PDPN: variants seen among roughly 807,000 people sequenced by gnomAD.
The protein encoded by PDPN is PA2.26 antigen.
A neutral mutation model predicts 23.2 loss-of-function variants in PDPN; 12 were observed. The observed-to-expected ratio is 0.52, with a 90% CI of 0.33 to 0.84. PDPN has a LOEUF of 0.84. Ranked by LOEUF, PDPN falls within the 40% of genes least tolerant of loss-of-function variation. The pLI, the probability that PDPN is intolerant of heterozygous loss-of-function variation, is 0.02. For missense variants in PDPN, 199 were observed against 212.2 expected, an observed-to-expected ratio of 0.94 and a Z score of 0.39; for synonymous variants, 77 against 76.7, an observed-to-expected ratio of 1.00 and a Z score of -0.02.
intron 1 of PDPN, among the ~76,000 whole-genome samples, chr1:13,591,157 G>C (rs61777780): frequency 0.24 from 36,532 of 151,788 alleles, 4,774 homozygotes; most frequent in Middle Eastern, 0.34. Flanking sequence ...GGTCAGGATG[G>C]TCTCGAACTC....
At chr1:13,589,475 A>G (rs1290489135) in intron 1 of PDPN, among the ~76,000 whole-genome samples, 1 of 152,334 alleles carries the variant, frequency 6.6e-6, no homozygotes, top group Admixed American at 6.5e-5. Flanking sequence ...TAACAATATA[A>G]TAACAGCTAG....
At chr1:13,596,198 CAAA>C (rs74323863) in intron 1 of PDPN, among the ~76,000 whole-genome samples, 5 of 68,038 alleles carry the variant, frequency 7.3e-5, no homozygotes, top group African/African-American at 5.2e-5. Flanking sequence ...GACTCCGTCT[CAAA>C]AAAAAAAAAA....
In PDPN at chr1:13,616,171, T is replaced by C. The variant is rs528720396; in HGVS notation, c.*260T>C. On this transcript the variant is annotated 3_prime_UTR_variant, in exon 6 of 6. Transcript: ENST00000621990. ...AAGATTATTTGAAAGACAAAATTCA[T>C]AGAAAATGGAGCAAAACTGTATAAA... The C allele has an allele frequency of 3.7e-6, 2 of 544,586 alleles. No individual in the cohort carries two copies. Among genetic ancestry groups the C allele is most frequent in the Admixed American group, 3.4e-5 (1 of 28,986 alleles). The allele number at this position is 544,586 out of a possible 1,614,324, so 33.7% of individuals were successfully genotyped here.
intron 1 of PDPN, among the ~76,000 whole-genome samples, chr1:13,588,980 A>AGCGCTACTATGCAATAAATTGAATAGC (rs1553143570): frequency 7.9e-6 from 1 of 126,794 alleles, no homozygotes; most frequent in Non-Finnish European, 1.8e-5. Context: ...TTCATTGAAT[A>AGCGCTACTATGCAATAAATTGAATAGC]GCTACTATTC....
At chr1:13,595,905 A>G (rs61777782) in intron 1 of PDPN, 125,801 of 1,285,134 alleles carry the variant, frequency 0.098, 6,798 homozygotes, top group Middle Eastern at 0.12. Flanking sequence ...ATAATTTTAA[A>G]GAAGTGTTCC....
rs1640805645 is a variant in PDPN, at chr1:13,607,031, C to T, written c.68-142C>T. 8 of 778,020 alleles carry T rather than the reference C, an allele frequency of 1.0e-5. No individual in the cohort carries two copies. In the South Asian group the frequency reaches 1.5e-4, roughly 14 times the overall value. The allele number at this position is 778,020 out of a possible 1,614,324, so 48.2% of individuals were successfully genotyped here. ...AGGAGAATGGTTTGGTTTCTGGCACCACAGTAAGCCACAAAAAGGACCAAA... is the reference window on the plus strand; with the variant it reads ...AGGAGAATGGTTTGGTTTCTGGCACTACAGTAAGCCACAAAAAGGACCAAA... On this transcript the variant is annotated intron_variant, in intron 1 of 5. Transcript: ENST00000621990.
At chr1:13,614,987 A>T in intron 5 of PDPN, 1 of 339,796 alleles carries the variant, frequency 2.9e-6, no homozygotes, top group Admixed American at 4.5e-5. Context: ...CTTGGAAGAA[A>T]ACCCAAACCA....
chr1:13,606,428 G>A (rs1282475016), intron 1 of PDPN, among the ~76,000 whole-genome samples: 3 of 152,176 alleles, frequency 2.0e-5, no homozygotes, highest in Non-Finnish European at 4.4e-5. Context: ...TGTAATCTAC[G>A]AGGTCTGTGG....
chr1:13,602,490 C>T (rs188117194), intron 1 of PDPN, among the ~76,000 whole-genome samples: 2,284 of 152,230 alleles, frequency 0.015, 29 homozygotes, highest in Non-Finnish European at 0.025. Flanking sequence ...GTAAATAAAA[C>T]CAGAAGACTG....
chr1:13,600,406 C>T (rs374716574), intron 1 of PDPN, among the ~76,000 whole-genome samples: 2 of 150,150 alleles, frequency 1.3e-5, no homozygotes, highest in African/African-American at 4.9e-5. Context: ...TCACTCTTGT[C>T]ACCCAGGCTG....
Position 13,610,533 on chromosome 1 carries a change from C to T in PDPN, c.331+17C>T, listed in dbSNP as rs773018317. On this transcript the variant is annotated intron_variant, in intron 3 of 5. Coordinates refer to ENST00000621990, the MANE Select transcript of PDPN (RefSeq NM_006474.5). ...ACTCCACGGGTAAGAAAACCAGCCA[C>T]CTCCATGGGGGCTGATCTACTTTTG... 10 of 1,611,034 alleles carry T rather than the reference C, an allele frequency of 6.2e-6. No homozygotes were observed. The highest frequency in any genetic ancestry group is 8.5e-6 in the Non-Finnish European group (10 of 1,178,790).
At chr1:13,614,569 A>G (rs1641019636) in intron 5 of PDPN, 158 bp downstream of exon 5, 1 of 596,330 alleles carries the variant, frequency 1.7e-6, no homozygotes, top group Admixed American at 3.0e-5. Flanking sequence ...CCTGGGCAAC[A>G]TAGTAAGACC....
At chr1:13,613,189 T>C (rs1434866458) in intron 3 of PDPN, among the ~76,000 whole-genome samples, 1 of 152,196 alleles carries the variant, frequency 6.6e-6, no homozygotes, top group Non-Finnish European at 1.5e-5. Flanking sequence ...TGGATTTTGC[T>C]ACCAAAGAAG....
chr1:13,583,910 C>A lies in PDPN; in HGVS notation c.-124C>A, dbSNP rs201766470. 2.2e-5 allele frequency: 35 copies of A among 1,611,964 alleles called. No individual in the cohort carries two copies. The African/African-American group carries it at 4.3e-4, about 20-fold the overall frequency. ...CCCTCTCCGGGGCTCCTGCTCCCAC[C>A]CCTCCGGCCCCCCCACCGTCGCGCT... On this transcript the variant is annotated 5_prime_UTR_variant, in exon 1 of 6. Coordinates refer to ENST00000621990, the MANE Select transcript of PDPN (RefSeq NM_006474.5).
intron 1 of PDPN, among the ~76,000 whole-genome samples, chr1:13,584,552 C>T (rs1049721974): frequency 1.3e-5 from 2 of 152,250 alleles, no homozygotes; most frequent in East Asian, 3.8e-4. Context: ...GGGAGGGTTC[C>T]CCGCCCTGCG....
intron 5 of PDPN, among the ~76,000 whole-genome samples, chr1:13,615,019 C>G (rs1385313733): frequency 6.6e-6 from 1 of 152,204 alleles, no homozygotes; most frequent in African/African-American, 2.4e-5. Context: ...GATGCCTAAT[C>G]AGCCCGTCTC....
chr1:13,595,386 G>T (rs531789653), intron 1 of PDPN, among the ~76,000 whole-genome samples: 1 of 152,236 alleles, frequency 6.6e-6, no homozygotes, highest in African/African-American at 2.4e-5. Flanking sequence ...CAGTTCAGCT[G>T]CAGAAACCCT....
At position 13,616,685 on chromosome 1, in the gene PDPN, A is replaced by G. The variant is rs1053210335; in HGVS notation, c.*774A>G. ...CTGCCCCCTCCACTTCCCTCAGATG[A>G]TGAGGAGCCAGGGCTAAGGGGGCAG... On this transcript the variant is annotated 3_prime_UTR_variant, in exon 6 of 6. Coordinates refer to ENST00000621990, the MANE Select transcript of PDPN (RefSeq NM_006474.5). 1 of 152,296 alleles carries G rather than the reference A, an allele frequency of 6.6e-6. No individual in the cohort carries two copies. The highest frequency in any genetic ancestry group is 2.4e-5 in the African/African-American group (1 of 41,438). 9.4% of individuals were successfully genotyped at this position (152,296 alleles called of 1,614,324 possible). A position where few individuals can be genotyped will look rare whatever the true frequency, so the allele number is the denominator to read the frequency against.
chr1:13,594,231 A>G (rs1640429571), intron 1 of PDPN, among the ~76,000 whole-genome samples: 1 of 152,202 alleles, frequency 6.6e-6, no homozygotes, highest in East Asian at 1.9e-4. Flanking sequence ...GCTGGTGGGG[A>G]GGAGGTAGTA....
Sources: gnomAD v4.1 joint callset for allele counts (sites outside exome capture counted in the v4.1 genomes callset) on GRCh38, gnomAD v4.1.1 for gene constraint, MANE v1.5 for transcripts, NCBI Gene and HGNC (gene_info 2026-07-23, HGNC 2026-07-21) for gene names.